Variants in PCDHA10 observed in about 807,000 individuals in gnomAD.
PCDHA10 encodes the protein protocadherin alpha 10, also known as protocadherin alpha-10.
In PCDHA10, 45 loss-of-function variants were observed where a neutral mutation model predicts 61.2. The observed-to-expected ratio is 0.74, with a 90% CI of 0.58 to 0.94. PCDHA10 has a LOEUF of 0.94. PCDHA10 is among the 40% of genes least tolerant of loss of function. The pLI, the probability that PCDHA10 is intolerant of heterozygous loss-of-function variation, is 0.00. For synonymous variants in PCDHA10, 602 were observed against 548.8 expected, an observed-to-expected ratio of 1.10 and a Z score of -1.35; for missense variants, 1,278 against 1,236.2, an observed-to-expected ratio of 1.03 and a Z score of -0.51.
chr5:140,906,957 G>T (rs1301709159), intron 1 of PCDHA10, among the ~76,000 whole-genome samples: 2 of 152,144 alleles, frequency 1.3e-5, no homozygotes, highest in Admixed American at 6.5e-5. Flanking sequence ...CCAGTTTAAT[G>T]GAATCGTGGT....
intron 1 of PCDHA10, among the ~76,000 whole-genome samples, chr5:140,957,202 A>G (rs75358038): frequency 1.8e-4 from 28 of 152,316 alleles, no homozygotes; most frequent in Non-Finnish European, 2.9e-4. Flanking sequence ...TGGGAATATA[A>G]ATAGGCACAA....
chr5:140,986,371 G>A (rs1453761888), intron 3 of PCDHA10, among the ~76,000 whole-genome samples: 1 of 152,116 alleles, frequency 6.6e-6, no homozygotes, highest in African/African-American at 2.4e-5. Context: ...AATGCGTTTT[G>A]GGGGGAGGGA....
At chr5:140,991,025 A>G (rs1440890555) in intron 3 of PCDHA10, among the ~76,000 whole-genome samples, 2 of 152,208 alleles carry the variant, frequency 1.3e-5, no homozygotes, top group African/African-American at 4.8e-5. Flanking sequence ...CACTTTACAT[A>G]TGTTGCATAC....
chr5:140,972,406 A>T (rs75214457), intron 1 of PCDHA10, among the ~76,000 whole-genome samples: 3,555 of 151,374 alleles, frequency 0.023, 73 homozygotes, highest in Middle Eastern at 0.055. Flanking sequence ...CTATTGGCAA[A>T]CCCTGTTAAG....
intron 3 of PCDHA10, among the ~76,000 whole-genome samples, chr5:141,002,380 G>T (rs1284047266): frequency 2.0e-5 from 3 of 152,196 alleles, no homozygotes; most frequent in Non-Finnish European, 2.9e-5. Context: ...CTGGCTTAGG[G>T]CTCCTGCTGG....
chr5:140,895,225 G>GT, intron 1 of PCDHA10, among the ~76,000 whole-genome samples: 1 of 152,168 alleles, frequency 6.6e-6, no homozygotes, highest in African/African-American at 2.4e-5. Context: ...ATTTTACTGA[G>GT]TTTTCTCATC....
intron 1 of PCDHA10, among the ~76,000 whole-genome samples, chr5:140,894,265 C>A (rs1328152615): frequency 6.6e-6 from 1 of 151,796 alleles, no homozygotes; most frequent in East Asian, 1.9e-4. Context: ...CAAGTGGTAG[C>A]TTATTTACAA....
rs782337552 is a variant in PCDHA10, at chr5:140,856,686, C to G, written c.638C>G (p.Ala213Gly). Residue 213 changes from alanine (A) to glycine (G), a missense_variant, in exon 1 of 4, where the codon GCA (alanine) becomes GGA (glycine). Ala to Gly is a moderately conservative substitution (Grantham distance 60). Transcript: ENST00000307360. ...CCTCAGCTAAAGTTGTTGTTGACAG[C>G]AACTGATGGAGGCAAACCTGAATTT... is the stretch of plus-strand genomic sequence containing the variant. ...ENPQLKLLLTATDGGKPEFTG... is the reference protein window; with the variant it reads ...ENPQLKLLLTGTDGGKPEFTG... The G allele has an allele frequency of 1.9e-6, 3 of 1,597,202 alleles. No individual in the cohort carries two copies. The East Asian group carries it at 6.7e-5, about 36-fold the overall frequency.
chr5:140,880,407 C>T (rs1198132829), intron 1 of PCDHA10, among the ~76,000 whole-genome samples: 1 of 152,128 alleles, frequency 6.6e-6, no homozygotes, highest in Non-Finnish European at 1.5e-5. Context: ...ATATGGTTGA[C>T]CTTAAAAGCG....
chr5:141,009,003 A>G (rs782499793), intron 3 of PCDHA10, among the ~76,000 whole-genome samples: 16 of 152,220 alleles, frequency 1.1e-4, no homozygotes, highest in Non-Finnish European at 1.5e-4. Flanking sequence ...AAAGGAGCAT[A>G]TTTTGCCTTT....
chr5:141,002,975 A>G (rs188944079), intron 3 of PCDHA10, among the ~76,000 whole-genome samples: 1 of 152,338 alleles, frequency 6.6e-6, no homozygotes, highest in Admixed American at 6.5e-5. Context: ...TGAAAATAGT[A>G]TCCTTGGTCA....
chr5:140,883,093 A>T (rs1035461317), intron 1 of PCDHA10: 1 of 1,614,146 alleles, frequency 6.2e-7, no homozygotes, highest in Non-Finnish European at 8.5e-7. Flanking sequence ...GTACAAATGG[A>T]GATATAGTTT....
chr5:140,911,729 C>T (rs571299791), intron 1 of PCDHA10, among the ~76,000 whole-genome samples: 16 of 152,252 alleles, frequency 1.1e-4, no homozygotes, highest in South Asian at 4.2e-4. Flanking sequence ...GTAAACAGTT[C>T]GTGCCAAGGA....
intron 3 of PCDHA10, among the ~76,000 whole-genome samples, chr5:141,007,395 C>CAAAAAAAAAAAAAAA (rs35800918): frequency 2.1e-5 from 2 of 94,866 alleles, no homozygotes; most frequent in Non-Finnish European, 2.1e-5. Context: ...TACTAAAATA[C>CAAAAAAAAAAAAAAA]AAAAAAAAAA....
chr5:140,891,226 C>T (rs1417836006), intron 1 of PCDHA10, among the ~76,000 whole-genome samples: 1 of 152,026 alleles, frequency 6.6e-6, no homozygotes, highest in Admixed American at 6.6e-5. Flanking sequence ...TTATAATCAT[C>T]CTGTTCTGGA....
At chr5:140,965,388 C>A (rs2095896527) in intron 1 of PCDHA10, among the ~76,000 whole-genome samples, 1 of 151,982 alleles carries the variant, frequency 6.6e-6, no homozygotes, top group Non-Finnish European at 1.5e-5. Flanking sequence ...CACAGAAGAA[C>A]AGAAGTCTAA....
chr5:140,950,917 A>ACT (rs1554219681), intron 1 of PCDHA10, among the ~76,000 whole-genome samples: 4 of 151,642 alleles, frequency 2.6e-5, no homozygotes, highest in African/African-American at 9.7e-5. Context: ...ATTTTATTTC[A>ACT]GTTCTTTTTC....
At position 140,876,890 on chromosome 5, in the gene PCDHA10, A is replaced by G. The variant is rs373414098; in HGVS notation, c.2388+18454A>G. On this transcript the variant is annotated intron_variant, in intron 1 of 3. Coordinates refer to ENST00000307360, the MANE Select transcript of PCDHA10 (RefSeq NM_018901.4). ...AAGGAGAACAACCCGCCGGGCTGCC[A>G]CATCTTCACGGTGTCGGCATGGGAC... The G allele has an allele frequency of 4.0e-5, 65 of 1,613,968 alleles. No individual in the cohort carries two copies. In the African/African-American group the frequency reaches 8.1e-4, roughly 20 times the overall value.
At chr5:140,924,907 A>AT (rs1242980267) in intron 1 of PCDHA10, among the ~76,000 whole-genome samples, 3,369 of 50,932 alleles carry the variant, frequency 0.066, 44 homozygotes, top group African/African-American at 0.099. Context: ...AAAAAAAAAT[A>AT]AAATAAAATA....
Sources: allele counts gnomAD v4.1 joint callset (sites outside exome capture counted in the v4.1 genomes callset), GRCh38; gene constraint gnomAD v4.1.1; transcripts MANE v1.5; gene names NCBI Gene and HGNC (gene_info 2026-07-23, HGNC 2026-07-21).